RPTOR: variants seen among roughly 807,000 people sequenced by gnomAD.
RPTOR encodes regulatory associated protein of MTOR complex 1.
A neutral mutation model predicts 169.9 loss-of-function variants in RPTOR; 21 were observed. The ratio of observed to expected loss-of-function variants is 0.12; its 90% CI spans 0.09 to 0.18. The LOEUF (loss-of-function observed/expected upper bound fraction) is 0.18. Ranked by LOEUF, RPTOR falls within the 10% of genes least tolerant of loss-of-function variation. RPTOR has a pLI of 1.00. For missense variants in RPTOR, 1,133 were observed against 1,855.9 expected (o/e 0.61, Z 7.16); for synonymous variants, 732 against 753.2 (o/e 0.97, Z 0.46).
At chr17:80,631,334 T>C (rs117900711) in intron 2 of RPTOR, among the ~76,000 whole-genome samples, 2 of 152,220 alleles carry the variant, frequency 1.3e-5, no homozygotes, top group East Asian at 3.9e-4. Flanking sequence ...ATGCTTCTCA[T>C]GAAGTGGGGG....
At chr17:80,632,357 T>C (rs1282452074) in intron 2 of RPTOR, among the ~76,000 whole-genome samples, 3 of 152,266 alleles carry the variant, frequency 2.0e-5, no homozygotes, top group African/African-American at 7.2e-5. Flanking sequence ...CCCTTCGGGG[T>C]TGTGTAGGTG....
chr17:80,738,772 T>G (rs149600602), intron 5 of RPTOR, among the ~76,000 whole-genome samples: 2 of 152,360 alleles, frequency 1.3e-5, no homozygotes, highest in Non-Finnish European at 2.9e-5. Context: ...ATCTATAGAT[T>G]TGGCTTGATA....
chr17:80,807,046 A>G (rs1486232960), intron 7 of RPTOR, among the ~76,000 whole-genome samples: 3 of 152,242 alleles, frequency 2.0e-5, no homozygotes, highest in Admixed American at 6.5e-5. Context: ...ATCTCTGGTA[A>G]TGCCTTTTGC....
chr17:80,879,526 C>T (rs910057056), intron 13 of RPTOR, among the ~76,000 whole-genome samples: 1 of 151,914 alleles, frequency 6.6e-6, no homozygotes, highest in Non-Finnish European at 1.5e-5. Context: ...TCCCTCACTG[C>T]CCTGGACAGT....
At chr17:80,709,676 C>G (rs984883214) in intron 4 of RPTOR, among the ~76,000 whole-genome samples, 8 of 152,252 alleles carry the variant, frequency 5.3e-5, no homozygotes, top group South Asian at 2.1e-4. Context: ...GTTTCAGCTG[C>G]CCACCTTTCT....
chr17:80,653,873 C>A (rs796340352), intron 3 of RPTOR, among the ~76,000 whole-genome samples: 1 of 152,354 alleles, frequency 6.6e-6, no homozygotes, highest in South Asian at 2.1e-4. Context: ...TGGTCCTAAA[C>A]CACCTCCTGA....
intron 9 of RPTOR, among the ~76,000 whole-genome samples, chr17:80,831,959 C>T (rs1391137266): frequency 2.0e-5 from 3 of 152,184 alleles, no homozygotes; most frequent in Non-Finnish European, 4.4e-5. Flanking sequence ...TTTAGGGAGG[C>T]GTAACCACAC....
At chr17:80,912,067 C>T (rs1456819312) in intron 21 of RPTOR, among the ~76,000 whole-genome samples, 1 of 152,232 alleles carries the variant, frequency 6.6e-6, no homozygotes, top group East Asian at 1.9e-4. Context: ...CCCTTTTAGA[C>T]TCTAAATAGC....
chr17:80,848,753 G>C (rs898839589), intron 11 of RPTOR, among the ~76,000 whole-genome samples: 4 of 152,234 alleles, frequency 2.6e-5, no homozygotes, highest in African/African-American at 9.7e-5. Context: ...AGCAGGACCC[G>C]ATGCCAAGCA....
At chr17:80,951,981 G>A (rs1285457707) in intron 28 of RPTOR, among the ~76,000 whole-genome samples, 1 of 152,242 alleles carries the variant, frequency 6.6e-6, no homozygotes, top group Non-Finnish European at 1.5e-5. Flanking sequence ...AGACACACGT[G>A]CAGGGACAGG....
intron 1 of RPTOR, among the ~76,000 whole-genome samples, chr17:80,581,436 A>C (rs1356552562): frequency 2.0e-5 from 3 of 152,232 alleles, no homozygotes. Flanking sequence ...TATTCTCTGC[A>C]GTGGAGACTG....
chr17:80,774,672 G>A (rs550621636), intron 6 of RPTOR, among the ~76,000 whole-genome samples: 13 of 152,288 alleles, frequency 8.5e-5, no homozygotes, highest in South Asian at 2.1e-4. Context: ...CCAGCTTCCC[G>A]TTGGGGACTT....
chr17:80,705,018 A>G (rs1217975298), intron 3 of RPTOR, among the ~76,000 whole-genome samples: 6 of 152,232 alleles, frequency 3.9e-5, no homozygotes, highest in Non-Finnish European at 8.8e-5. Flanking sequence ...ATGCCCACCT[A>G]TGGGAGCAGG....
intron 7 of RPTOR, among the ~76,000 whole-genome samples, chr17:80,793,697 C>T (rs2067072904): frequency 1.3e-5 from 2 of 152,230 alleles, no homozygotes; most frequent in African/African-American, 2.4e-5. Flanking sequence ...CCGGACAGAG[C>T]CCTGCCAGCG....
chr17:80,853,230 C>A (rs947095659), intron 11 of RPTOR, among the ~76,000 whole-genome samples: 1 of 152,178 alleles, frequency 6.6e-6, no homozygotes, highest in Non-Finnish European at 1.5e-5. Flanking sequence ...CCGGCCCCTC[C>A]CCCATCACTG....
At chr17:80,572,633 G>A (rs1180547730) in intron 1 of RPTOR, among the ~76,000 whole-genome samples, 2 of 152,168 alleles carry the variant, frequency 1.3e-5, no homozygotes, top group Non-Finnish European at 2.9e-5. Context: ...GCTGAGGCAG[G>A]AGGATGGCTT....
chr17:80,694,219 C>T (rs992838713), intron 3 of RPTOR, among the ~76,000 whole-genome samples: 12 of 152,208 alleles, frequency 7.9e-5, no homozygotes, highest in African/African-American at 2.9e-4. Context: ...GAGGCAGTTG[C>T]CCCGTGCTCA....
intron 7 of RPTOR, among the ~76,000 whole-genome samples, chr17:80,795,333 G>A (rs1267435457): frequency 1.3e-5 from 2 of 152,198 alleles, no homozygotes; most frequent in East Asian, 1.9e-4. Context: ...TCCACCGTGG[G>A]ATGTTAGTCA....
intron 7 of RPTOR, 44 bp from the exon 8 acceptor site, chr17:80,822,157 T>C (rs1389090575): frequency 6.3e-7 from 1 of 1,581,108 alleles, no homozygotes; most frequent in Non-Finnish European, 8.7e-7. Context: ...TTCCCTGCTC[T>C]CAGAGCTGTG....
Sources: gnomAD v4.1 joint callset for allele counts (sites outside exome capture counted in the v4.1 genomes callset) on GRCh38, gnomAD v4.1.1 for gene constraint, MANE v1.5 for transcripts, NCBI Gene and HGNC (gene_info 2026-07-23, HGNC 2026-07-21) for gene names.